The following CFAP251 variants were observed in gnomAD, a reference collection of about 807,000 sequenced individuals.
The protein encoded by CFAP251 is cilia- and flagella-associated protein 251.
Under a neutral mutation model 126.7 loss-of-function variants are expected in CFAP251, and 93 were observed. The ratio of observed to expected loss-of-function variants is 0.73; its 90% CI spans 0.62 to 0.87. The LOEUF (loss-of-function observed/expected upper bound fraction) is 0.87. Ranked by LOEUF, CFAP251 falls within the 40% of genes least tolerant of loss-of-function variation. The pLI is 0.00. For synonymous variants in CFAP251, 503 were observed against 506.9 expected (o/e 0.99, Z 0.10); for missense variants, 1,287 against 1,389.2 (o/e 0.93, Z 1.17).
intron 3 of CFAP251, among the ~76,000 whole-genome samples, chr12:121,929,485 T>C (rs1374899114): frequency 6.6e-6 from 1 of 152,100 alleles, no homozygotes. Context: ...CCAATACTGG[T>C]ACCTTATTAT....
intron 21 of CFAP251, among the ~76,000 whole-genome samples, chr12:122,003,136 C>T (rs1883184788): frequency 6.6e-6 from 1 of 152,210 alleles, no homozygotes; most frequent in Non-Finnish European, 1.5e-5. Flanking sequence ...ATTTGGTTAA[C>T]AGCGTTCTGT....
At chr12:121,967,631 G>A (rs1882191827) in intron 16 of CFAP251, among the ~76,000 whole-genome samples, 1 of 152,216 alleles carries the variant, frequency 6.6e-6, no homozygotes, top group Non-Finnish European at 1.5e-5. Context: ...GAACCCGGGA[G>A]GCGGAGTTTG....
chr12:121,971,622 G>T (rs1403895086), intron 17 of CFAP251: 2 of 702,692 alleles, frequency 2.8e-6, no homozygotes, highest in African/African-American at 1.7e-5. Flanking sequence ...ACTCCAAGGG[G>T]TCTGATGACT....
chr12:121,992,318 C>T lies in CFAP251; in HGVS notation c.3007-7398C>T, dbSNP rs1266858447. ...CGAAGTCGGCTCAGGAAGGAAATGTCAGTGATGCCGAAGCTGCCAACTCCG... is the reference window on the plus strand; with the variant it reads ...CGAAGTCGGCTCAGGAAGGAAATGTTAGTGATGCCGAAGCTGCCAACTCCG... On this transcript the variant is annotated intron_variant, in intron 19 of 21. Coordinates refer to ENST00000288912, the MANE Select transcript of CFAP251 (RefSeq NM_144668.6). The T allele has an allele frequency of 7.1e-6, 7 of 985,272 alleles. No individual in the cohort carries two copies. The African/African-American group carries it at 1.2e-4, about 17-fold the overall frequency. The allele number at this position is 985,272 out of a possible 1,614,324, so 61.0% of individuals were successfully genotyped here. A position where few individuals can be genotyped will look rare whatever the true frequency, so the allele number is the denominator to read the frequency against.
intron 17 of CFAP251, chr12:121,970,024 A>G: frequency 1.1e-6 from 1 of 920,514 alleles, no homozygotes; most frequent in Non-Finnish European, 1.3e-6. Context: ...GAAATGTAAA[A>G]AACCTAAACA....
In CFAP251 at chr12:121,966,935, C is replaced by G. The variant is rs79156433; in HGVS notation, c.2493-20C>G. 1.1e-3 allele frequency: 1,842 copies of G among 1,608,372 alleles called. 33 individuals are homozygous for G. The East Asian group carries it at 0.037, about 32-fold the overall frequency. ...TGAGATTTGTGGAATTTTAAAAACT[C>G]TTTCTCTTTTTGCCTTCAGAAAGAC... On this transcript the variant is annotated intron_variant, in intron 15 of 21. Coordinates refer to ENST00000288912, the MANE Select transcript of CFAP251 (RefSeq NM_144668.6).
chr12:122,000,183 C>T (rs1883115616), intron 20 of CFAP251, among the ~76,000 whole-genome samples: 1 of 152,196 alleles, frequency 6.6e-6, no homozygotes, highest in South Asian at 2.1e-4. Flanking sequence ...ACCTGAGCCT[C>T]AGCAAGACTC....
rs1056387907 is a variant in CFAP251, at chr12:121,959,094, T to C, written c.2133T>C (p.Ala711=). The change falls in exon 13 of 22, where the codon GCT becomes GCC. Residue 711 remains alanine (A), a splice_region_variant and synonymous_variant. Coordinates refer to ENST00000288912, the MANE Select transcript of CFAP251 (RefSeq NM_144668.6). Reference sequence around the variant, plus strand: ...ATGACTCCCAGTATATGGCAACTGCTGTAAGTATTTTCATGGACAACCCAT... The same window carrying C: ...ATGACTCCCAGTATATGGCAACTGCCGTAAGTATTTTCATGGACAACCCAT... ...FSHDSQYMAT[A]DRSFTVAVYM... 1.9e-5 allele frequency: 30 copies of C among 1,581,596 alleles called. No homozygotes were observed. The highest frequency in any genetic ancestry group is 2.4e-5 in the Non-Finnish European group (28 of 1,169,742).
chr12:121,977,887 A>G (rs1051724311), intron 19 of CFAP251, among the ~76,000 whole-genome samples: 3 of 151,320 alleles, frequency 2.0e-5, no homozygotes, highest in African/African-American at 7.3e-5. Context: ...TGAACCCGGG[A>G]GGCGGAGCTT....
chr12:121,992,297 G>C, intron 19 of CFAP251: 1 of 985,448 alleles, frequency 1.0e-6, no homozygotes, highest in South Asian at 4.7e-5. Context: ...CACTTGCGAA[G>C]TCGGCTCAGG....
At chr12:121,956,999 CAT>C (rs1353885740) in intron 10 of CFAP251, 73 bp from the exon 11 acceptor site, 3 of 1,148,042 alleles carry the variant, frequency 2.6e-6, no homozygotes, top group Non-Finnish European at 3.6e-6. Context: ...CAGAGCCTGA[CAT>C]ATAATTAGGT....
At chr12:121,948,425 A>G (rs1312304661) in intron 7 of CFAP251, 1 of 152,208 alleles carries the variant, frequency 6.6e-6, no homozygotes, top group Non-Finnish European at 1.5e-5. Context: ...GACCACTATC[A>G]GAAAAGCTTG....
chr12:121,995,229 C>T (rs1026339478), intron 19 of CFAP251, among the ~76,000 whole-genome samples: 2 of 152,286 alleles, frequency 1.3e-5, no homozygotes, highest in Non-Finnish European at 1.5e-5. Context: ...GCTCTTTTAG[C>T]CCCAACCTCT....
chr12:122,003,455 C>T (rs1883190538), intron 21 of CFAP251, among the ~76,000 whole-genome samples, 197 bp from the exon 22 acceptor site: 1 of 152,080 alleles, frequency 6.6e-6, no homozygotes, highest in Admixed American at 6.6e-5. Flanking sequence ...TGCCTGTAGT[C>T]CCAGCTACTT....
intron 9 of CFAP251, 116 bp from the exon 10 acceptor site, chr12:121,953,998 GTTTTCT>G: frequency 1.0e-6 from 1 of 976,172 alleles, no homozygotes; most frequent in South Asian, 1.7e-5. Flanking sequence ...TTTAGTGATT[GTTTTCT>G]TTTTCTTTCT....
intron 5 of CFAP251, 56 bp downstream of exon 5, chr12:121,934,412 C>A: frequency 7.4e-7 from 1 of 1,352,338 alleles, no homozygotes; most frequent in Non-Finnish European, 1.0e-6. Context: ...GTATCTGCCA[C>A]TGTGTGACAG....
Position 121,968,181 on chromosome 12 carries a change from G to C in CFAP251, c.2771+12G>C, listed in dbSNP as rs1447168030. On this transcript the variant is annotated intron_variant, in intron 17 of 21. Coordinates refer to ENST00000288912, the MANE Select transcript of CFAP251 (RefSeq NM_144668.6). ...AAAATCACCTTAAGGTACACGATGGGGCGAGAAGGAAGGTATCAAGTGTAA... is the reference window on the plus strand; with the variant it reads ...AAAATCACCTTAAGGTACACGATGGCGCGAGAAGGAAGGTATCAAGTGTAA... The C allele has an allele frequency of 6.3e-7, 1 of 1,589,114 alleles. No individual in the cohort carries two copies. The highest frequency in any genetic ancestry group is 8.6e-7 in the Non-Finnish European group (1 of 1,161,844).
At position 121,928,690 on chromosome 12, in the gene CFAP251, GTATATA is replaced by G. The variant is rs367690393; in HGVS notation, c.748-3046_748-3041del. 1.3e-3 allele frequency among the ~76,000 whole-genome samples: 84 copies of G among 62,820 alleles called. 1 individual carries two copies. The highest frequency in any genetic ancestry group is 8.0e-3 in the African/African-American group (81 of 10,120). The allele number at this position is 62,820 out of a possible 152,430, so 41.2% of individuals were successfully genotyped here. On this transcript the variant is annotated intron_variant, in intron 3 of 21. Coordinates refer to ENST00000288912, the MANE Select transcript of CFAP251 (RefSeq NM_144668.6). Reference sequence around the variant, plus strand: ...TATACGTATATATATATATATATACGTATATATATATATATTTTTTTTTTGAGACAG... The same window carrying G: ...TATACGTATATATATATATATATACGTATATATATTTTTTTTTTGAGACAG...
At chr12:121,996,084 C>G (rs1232882659) in intron 19 of CFAP251, among the ~76,000 whole-genome samples, 1 of 152,164 alleles carries the variant, frequency 6.6e-6, no homozygotes, top group East Asian at 1.9e-4. Context: ...GGCAGTGCTG[C>G]AAACTGGTGT....
Sources: allele counts gnomAD v4.1 joint callset (sites outside exome capture counted in the v4.1 genomes callset), GRCh38; gene constraint gnomAD v4.1.1; transcripts MANE v1.5; gene names NCBI Gene and HGNC (gene_info 2026-07-23, HGNC 2026-07-21).